The following TRRAP variants were observed in gnomAD, a reference collection of about 807,000 sequenced individuals.
TRRAP encodes transformation/transcription domain-associated protein.
TRRAP carries 41 observed loss-of-function variants against 438.8 expected under a neutral mutation model. The ratio of observed to expected loss-of-function variants is 0.09; its 90% CI spans 0.07 to 0.12. The LOEUF (loss-of-function observed/expected upper bound fraction) is 0.12. TRRAP is among the 10% of genes least tolerant of loss of function. The pLI, the probability that TRRAP is intolerant of heterozygous loss-of-function variation, is 1.00. For missense variants in TRRAP, 3,122 were observed against 5,055.1 expected, an observed-to-expected ratio of 0.62 and a Z score of 11.60; for synonymous variants, 1,994 against 1,962.9, an observed-to-expected ratio of 1.02 and a Z score of -0.42.
intron 38 of TRRAP, 112 bp from the exon 39 acceptor site, chr7:98,950,764 T>C (rs556940104): frequency 1.5e-6 from 2 of 1,309,742 alleles, no homozygotes; most frequent in African/African-American, 1.5e-5. Flanking sequence ...ACACCCTGGG[T>C]TGAGTTCCAA....
intron 20 of TRRAP, among the ~76,000 whole-genome samples, chr7:98,921,502 A>G (rs1789793507): frequency 6.6e-6 from 1 of 152,118 alleles, no homozygotes; most frequent in South Asian, 2.1e-4. Context: ...CAGCATCCCA[A>G]ATAGCTGGGA....
chr7:98,938,355 A>G (rs894352923), intron 30 of TRRAP, among the ~76,000 whole-genome samples: 1 of 152,142 alleles, frequency 6.6e-6, no homozygotes, highest in Non-Finnish European at 1.5e-5. Context: ...TAAATAAATA[A>G]AAACAATGCA....
rs781893360 is a variant in TRRAP at position 98,949,835 on chromosome 7, A to G, written c.5129A>G (p.Tyr1710Cys). ...CTGCTGGCCTACTGCCTGCTGAACT[A>G]CTGCAAGTGGGTGCCTCCTCCCGCC... is the stretch of plus-strand genomic sequence containing the variant. ...PKLLAYCLLNYCKRNYGDIEL... is the reference protein window; with the variant it reads ...PKLLAYCLLNCCKRNYGDIEL... The change falls in exon 37 of 73, where the codon TAC (tyrosine) becomes TGC (cysteine). Residue 1710 changes from tyrosine (Y) to cysteine (C), a missense_variant. Transcript: ENST00000456197. 6 of 1,612,644 alleles carry G rather than the reference A, an allele frequency of 3.7e-6. No individual in the cohort carries two copies. In the East Asian group the frequency reaches 1.3e-4, roughly 36 times the overall value.
At chr7:98,907,846 C>T (rs1332479760) in intron 13 of TRRAP, among the ~76,000 whole-genome samples, 3 of 151,422 alleles carry the variant, frequency 2.0e-5, no homozygotes. Flanking sequence ...CCTCCCTGAC[C>T]TGCTTCAGCC....
chr7:98,981,672 C>T (rs1584389524), intron 58 of TRRAP, 97 bp from the exon 59 acceptor site: 3 of 1,310,854 alleles, frequency 2.3e-6, no homozygotes, highest in South Asian at 2.9e-5. Context: ...GCCTTGCATA[C>T]CTAGTGACCA....
At chr7:98,969,820 A>G (rs567753472) in intron 51 of TRRAP, among the ~76,000 whole-genome samples, 1 of 152,260 alleles carries the variant, frequency 6.6e-6, no homozygotes, top group East Asian at 1.9e-4. Context: ...GTGAGGTGGG[A>G]GGTTCCACCC....
At chr7:98,977,902 A>G (rs1413696090) in intron 56 of TRRAP, among the ~76,000 whole-genome samples, 2 of 152,176 alleles carry the variant, frequency 1.3e-5, no homozygotes, top group African/African-American at 4.8e-5. Context: ...AGCTGCGGGC[A>G]TTTAGTGCTC....
At chr7:98,927,516 C>T (rs1790108024) in intron 23 of TRRAP, 150 bp downstream of exon 23, 2 of 1,061,672 alleles carry the variant, frequency 1.9e-6, no homozygotes, top group East Asian at 5.2e-5. Context: ...CCATTTACGA[C>T]ATTGATAATT....
chr7:98,971,271 G>C (rs1792406122), intron 52 of TRRAP, among the ~76,000 whole-genome samples: 1 of 152,002 alleles, frequency 6.6e-6, no homozygotes, highest in Admixed American at 6.6e-5. Flanking sequence ...CATTTTCAAG[G>C]GCACACACCA....
Position 98,976,172 on chromosome 7 carries a change from C to G in TRRAP, c.7863C>G (p.Phe2621Leu). Residue 2621 changes from phenylalanine (F) to leucine (L), a missense_variant, in exon 54 of 73, where the codon TTC becomes TTG. Phe to Leu is a conservative substitution (Grantham distance 22, BLOSUM62 0). Coordinates refer to ENST00000456197, the MANE Select transcript of TRRAP (RefSeq NM_001375524.1). This position sits in a 1 kb window ranked among gnomAD's most constrained non-coding sequence, Gnocchi z 4.6. The part of the protein sequence containing the change: ...EVKTGALLSA[F>L]VQLCHISTTL... The stretch of plus-strand genomic sequence containing the variant: ...AGACTGGAGCGCTGCTCAGCGCTTT[C>G]GTTCAGCTGTGCCACATTTCCACGA... 1 of 1,614,030 alleles carries G rather than the reference C, an allele frequency of 6.2e-7. No homozygotes were observed. Among genetic ancestry groups the G allele is most frequent in the Non-Finnish European group, 8.5e-7 (1 of 1,179,942 alleles).
chr7:98,930,428 A>C (rs976269351), intron 24 of TRRAP, among the ~76,000 whole-genome samples: 5 of 152,170 alleles, frequency 3.3e-5, no homozygotes, highest in African/African-American at 1.2e-4. Context: ...AATAAAAAAA[A>C]TTAGCCAGGC....
intron 69 of TRRAP, among the ~76,000 whole-genome samples, chr7:99,006,067 C>T (rs1794151434): frequency 6.6e-6 from 1 of 152,214 alleles, no homozygotes; most frequent in Non-Finnish European, 1.5e-5. Context: ...CCTGTTAAGG[C>T]CACAGAAATT....
chr7:98,955,983 C>T (rs1034690791), intron 41 of TRRAP, among the ~76,000 whole-genome samples, 163 bp from the exon 42 acceptor site: 14 of 152,156 alleles, frequency 9.2e-5, no homozygotes, highest in Non-Finnish European at 1.9e-4. Context: ...AGAATTTCCT[C>T]GCTCAGGTTA....
In TRRAP at chr7:99,012,662, A is replaced by G. The variant is rs1333942221; in HGVS notation, c.*307A>G. On this transcript the variant is annotated 3_prime_UTR_variant, in exon 73 of 73. Coordinates refer to ENST00000456197, the MANE Select transcript of TRRAP (RefSeq NM_001375524.1). The surrounding 1 kb of genome is among the most constrained non-coding windows in gnomAD (Gnocchi z 5.9). ...GAATTTCTGAGTGAGTCCTTTTTTT[A>G]TGGTGTCCTCCCTCTGTGAATGTAC... 4.9e-6 allele frequency: 2 copies of G among 404,610 alleles called. No homozygotes were observed. Among genetic ancestry groups the G allele is most frequent in the East Asian group, 4.9e-5 (1 of 20,380 alleles). The allele number at this position is 404,610 out of a possible 1,614,324, so 25.1% of individuals were successfully genotyped here.
Position 98,925,162 on chromosome 7 carries a change from C to G in TRRAP, c.2874C>G (p.Tyr958Ter). 6.2e-7 allele frequency: 1 copy of G among 1,614,230 alleles called. No individual in the cohort carries two copies. The highest frequency in any genetic ancestry group is 8.5e-7 in the Non-Finnish European group (1 of 1,180,046). The change falls in exon 22 of 73, where the codon TAC (tyrosine) becomes TAG (stop). Residue 958 changes from tyrosine to a stop codon, truncating the protein, a stop_gained. Coordinates refer to ENST00000456197, the MANE Select transcript of TRRAP (RefSeq NM_001375524.1). LOFTEE classifies it high-confidence loss of function. ...DCLKSANTEP[Y>*]YRRQAWEVIK... ...TGAAAAGCGCCAACACTGAGCCCTA[C>G]TACCGGAGGCAGGCGTGGGAAGTGA...
intron 14 of TRRAP, 146 bp downstream of exon 14, chr7:98,909,108 C>G (rs1436075446): frequency 6.6e-6 from 5 of 753,180 alleles, no homozygotes; most frequent in Non-Finnish European, 8.4e-6. Flanking sequence ...ACTGCAACCT[C>G]TGCCTCCTGG....
At chr7:98,894,675 C>A (rs1796118399) in intron 6 of TRRAP, among the ~76,000 whole-genome samples, 1 of 150,608 alleles carries the variant, frequency 6.6e-6, no homozygotes, top group Non-Finnish European at 1.5e-5. Flanking sequence ...TGCAGTGGCG[C>A]AATCTTGGCT....
intron 21 of TRRAP, among the ~76,000 whole-genome samples, chr7:98,922,584 ACT>A (rs1323806153): frequency 2.0e-5 from 3 of 150,442 alleles, no homozygotes; most frequent in Non-Finnish European, 4.4e-5. Context: ...TTTCCCTCTG[ACT>A]CTGTCACCAG....
chr7:98,889,565 A>G (rs1354509571), intron 3 of TRRAP, among the ~76,000 whole-genome samples: 1 of 138,716 alleles, frequency 7.2e-6, no homozygotes, highest in African/African-American at 2.6e-5. Flanking sequence ...TAAAAAAAAT[A>G]GAGACAGGAT....
Sources: gnomAD v4.1 joint callset for allele counts (sites outside exome capture counted in the v4.1 genomes callset) on GRCh38, gnomAD v4.1.1 for gene constraint, Gnocchi (gnomAD v3.1) non-coding constraint, MANE v1.5 for transcripts, NCBI Gene and HGNC (gene_info 2026-07-23, HGNC 2026-07-21) for gene names.